PDSS2: variants seen among roughly 807,000 people sequenced by gnomAD.
PDSS2 encodes decaprenyl diphosphate synthase subunit 2.
In PDSS2, 31 loss-of-function variants were observed where a neutral mutation model predicts 44.5. That is an observed-to-expected ratio of 0.70 (90% confidence interval 0.52 to 0.94). The LOEUF is 0.94. PDSS2 is among the 40% of genes least tolerant of loss of function. The pLI is 0.00. For missense variants in PDSS2, 452 were observed against 482.2 expected, an observed-to-expected ratio of 0.94 and a Z score of 0.59; for synonymous variants, 157 against 180.3, an observed-to-expected ratio of 0.87 and a Z score of 1.03.
At chr6:107,211,464 G>A (rs546311628) in intron 5 of PDSS2, among the ~76,000 whole-genome samples, 29 of 152,076 alleles carry the variant, frequency 1.9e-4, no homozygotes, top group South Asian at 1.0e-3. Flanking sequence ...AGGCGTGGTG[G>A]CTCACACCTG....
At chr6:107,251,155 C>T (rs1202769301) in intron 3 of PDSS2, among the ~76,000 whole-genome samples, 1 of 152,038 alleles carries the variant, frequency 6.6e-6, no homozygotes, top group Non-Finnish European at 1.5e-5. Flanking sequence ...CACCCGGCCA[C>T]AAGGAAATCT....
chr6:107,274,793 C>G (rs952422143), intron 2 of PDSS2, among the ~76,000 whole-genome samples: 6 of 151,554 alleles, frequency 4.0e-5, no homozygotes, highest in Admixed American at 4.0e-4. Context: ...CCACTTCAGC[C>G]TCCCGAGTAG....
intron 1 of PDSS2, among the ~76,000 whole-genome samples, chr6:107,352,924 T>C (rs574803835): frequency 6.6e-6 from 1 of 152,342 alleles, no homozygotes; most frequent in Admixed American, 6.5e-5. Flanking sequence ...CCATGTGTAC[T>C]TATGAGACTT....
intron 4 of PDSS2, among the ~76,000 whole-genome samples, chr6:107,235,867 G>C (rs1487449185): frequency 6.6e-6 from 1 of 152,030 alleles, no homozygotes; most frequent in African/African-American, 2.4e-5. Flanking sequence ...CATGTAAACT[G>C]GTCTGCTTGA....
At chr6:107,172,153 G>T (rs537682856) in intron 7 of PDSS2, among the ~76,000 whole-genome samples, 106 of 152,274 alleles carry the variant, frequency 7.0e-4, no homozygotes, top group African/African-American at 2.5e-3. Context: ...AGGATACAAA[G>T]TACTTAAAAT....
At chr6:107,314,916 T>C (rs1413522157) in intron 2 of PDSS2, among the ~76,000 whole-genome samples, 1 of 152,228 alleles carries the variant, frequency 6.6e-6, no homozygotes, top group African/African-American at 2.4e-5. Context: ...GCAAATACCA[T>C]GTTACTTAAT....
At chr6:107,378,602 A>T (rs1349015367) in intron 1 of PDSS2, among the ~76,000 whole-genome samples, 1 of 152,158 alleles carries the variant, frequency 6.6e-6, no homozygotes, top group Non-Finnish European at 1.5e-5. Flanking sequence ...CTGGGCCAAT[A>T]TAATGAAATC....
intron 1 of PDSS2, among the ~76,000 whole-genome samples, chr6:107,370,067 TG>T (rs1306871664): frequency 6.6e-6 from 1 of 151,528 alleles, no homozygotes; most frequent in Non-Finnish European, 1.5e-5. Flanking sequence ...TTCCCAACTC[TG>T]AAAAATGAAC....
At chr6:107,224,486 T>C (rs571069040) in intron 4 of PDSS2, among the ~76,000 whole-genome samples, 1 of 151,484 alleles carries the variant, frequency 6.6e-6, no homozygotes, top group East Asian at 1.9e-4. Context: ...AGGCTGATGA[T>C]AAAGACAACA....
In PDSS2 at chr6:107,450,359, G is replaced by A. The variant is rs538137667; in HGVS notation, c.296+8631C>T. Among the ~76,000 whole-genome samples, 7 of 152,250 alleles carry A rather than the reference G, an allele frequency of 4.6e-5. No homozygotes were observed. The South Asian group carries it at 1.2e-3, about 27-fold the overall frequency. On this transcript the variant is annotated intron_variant, in intron 1 of 7. Coordinates refer to ENST00000369037, the MANE Select transcript of PDSS2 (RefSeq NM_020381.4). ...AGAAAGGAAAACTATGAATGTAGGG[G>A]GAAGAATGTTGAGGAATCAATTCAC... is the stretch of plus-strand genomic sequence containing the variant.
intron 1 of PDSS2, among the ~76,000 whole-genome samples, chr6:107,351,039 A>C (rs1778419210): frequency 6.6e-6 from 1 of 152,154 alleles, no homozygotes; most frequent in Admixed American, 6.5e-5. Flanking sequence ...AATTTAAATA[A>C]AGTCAAAAAT....
intron 2 of PDSS2, among the ~76,000 whole-genome samples, chr6:107,290,329 G>A (rs1224620994): frequency 6.6e-6 from 1 of 152,158 alleles, no homozygotes; most frequent in African/African-American, 2.4e-5. Flanking sequence ...AAATATGGAG[G>A]ATAAATGAAA....
chr6:107,264,353 T>C (rs1775343889), intron 3 of PDSS2: 2 of 1,534,030 alleles, frequency 1.3e-6, no homozygotes, highest in African/African-American at 2.8e-5. Flanking sequence ...AAAGAGTACA[T>C]CTGTGCCACT....
At chr6:107,297,742 TTTTATTTA>T (rs201099410) in intron 2 of PDSS2, among the ~76,000 whole-genome samples, 9 of 151,264 alleles carry the variant, frequency 5.9e-5, no homozygotes, top group African/African-American at 2.2e-4. Flanking sequence ...GGAAACAAAA[TTTTATTTA>T]TTTATTTATT....
intron 7 of PDSS2, among the ~76,000 whole-genome samples, chr6:107,160,662 T>G (rs141721273): frequency 9.5e-4 from 144 of 150,892 alleles, no homozygotes; most frequent in Admixed American, 2.7e-3. Flanking sequence ...TGATGTCTTG[T>G]AAATGCTGAT....
intron 4 of PDSS2, among the ~76,000 whole-genome samples, chr6:107,212,601 C>T (rs565380690): frequency 6.6e-6 from 1 of 152,266 alleles, no homozygotes; most frequent in African/African-American, 2.4e-5. Flanking sequence ...CTTCTATAGT[C>T]AATATCAGTT....
intron 1 of PDSS2, among the ~76,000 whole-genome samples, chr6:107,448,041 G>A (rs113877321): frequency 2.0e-5 from 3 of 152,334 alleles, no homozygotes; most frequent in African/African-American, 4.8e-5. Context: ...AGCCATTGCT[G>A]AAGCTGCTGA....
chr6:107,458,917 G>T, intron 1 of PDSS2, 73 bp downstream of exon 1: 1 of 1,350,086 alleles, frequency 7.4e-7, no homozygotes, highest in Non-Finnish European at 1.1e-6. Flanking sequence ...GAGAGAGCTA[G>T]AATGCGTATG....
At chr6:107,428,047 T>C (rs1781060683) in intron 1 of PDSS2, among the ~76,000 whole-genome samples, 1 of 152,236 alleles carries the variant, frequency 6.6e-6, no homozygotes, top group Non-Finnish European at 1.5e-5. Flanking sequence ...ATCTATAATG[T>C]TTAAAACTAA....
Sources: gnomAD v4.1 joint callset for allele counts (sites outside exome capture counted in the v4.1 genomes callset) on GRCh38, gnomAD v4.1.1 for gene constraint, MANE v1.5 for transcripts, NCBI Gene and HGNC (gene_info 2026-07-23, HGNC 2026-07-21) for gene names.